Variants in TBC1D9 observed in about 807,000 individuals in gnomAD.
TBC1D9 encodes TBC1 domain family member 9.
In TBC1D9, 63 loss-of-function variants were observed where a neutral mutation model predicts 132.0. The ratio of observed to expected loss-of-function variants is 0.48; its 90% confidence interval spans 0.39 to 0.59. The LOEUF is 0.59. Among genes scored for constraint, TBC1D9 ranks in the 20% least tolerant of loss-of-function variants. The pLI, the probability that TBC1D9 is intolerant of heterozygous loss-of-function variation, is 0.00. For missense variants in TBC1D9, 1,261 were observed against 1,592.7 expected (o/e 0.79, Z 3.54); for synonymous variants, 610 against 609.9 (o/e 1.00, Z 0.00).
chr4:140,626,464 T>C (rs1218211648), intron 18 of TBC1D9, among the ~76,000 whole-genome samples: 1 of 152,166 alleles, frequency 6.6e-6, no homozygotes, highest in African/African-American at 2.4e-5. Context: ...GTGCTTACAG[T>C]CTAAAAGTAA....
chr4:140,741,696 C>T lies in TBC1D9; in HGVS notation c.130+14220G>A, dbSNP rs935966244. On this transcript the variant is annotated intron_variant, in intron 1 of 20. Coordinates refer to ENST00000442267, the MANE Select transcript of TBC1D9 (RefSeq NM_015130.3). ...TCATGCCAATGCACTCTAGCCTAGGCGGCAGAGCCAGACCCTGTCCAGATA... is the reference window on the plus strand; with the variant it reads ...TCATGCCAATGCACTCTAGCCTAGGTGGCAGAGCCAGACCCTGTCCAGATA... Among the ~76,000 whole-genome samples the T allele has an allele frequency of 1.2e-4, 19 of 152,246 alleles. 1 individual carries two copies. Among genetic ancestry groups the T allele is most frequent in the African/African-American group, 2.6e-4 (11 of 41,548 alleles).
At chr4:140,677,572 C>G (rs1737645319) in intron 5 of TBC1D9, among the ~76,000 whole-genome samples, 1 of 152,156 alleles carries the variant, frequency 6.6e-6, no homozygotes. Context: ...AACAACTCAC[C>G]TTGGGCAACT....
intron 1 of TBC1D9, among the ~76,000 whole-genome samples, chr4:140,728,517 A>T (rs942858465): frequency 6.6e-6 from 1 of 151,856 alleles, no homozygotes; most frequent in Non-Finnish European, 1.5e-5. Context: ...TTTTTTTGAG[A>T]CAGTCTTACT....
At chr4:140,743,191 A>G (rs893126487) in intron 1 of TBC1D9, among the ~76,000 whole-genome samples, 2 of 152,234 alleles carry the variant, frequency 1.3e-5, no homozygotes, top group Non-Finnish European at 2.9e-5. Flanking sequence ...CTTTAACAGC[A>G]TCCTTCAGAA....
intron 1 of TBC1D9, among the ~76,000 whole-genome samples, chr4:140,710,213 G>A (rs1472964094): frequency 6.6e-6 from 1 of 152,076 alleles, no homozygotes; most frequent in South Asian, 2.1e-4. Context: ...AGGCATGAGG[G>A]TTTTGTTGTA....
intron 6 of TBC1D9, among the ~76,000 whole-genome samples, chr4:140,671,970 A>G (rs1737545453): frequency 6.6e-6 from 1 of 152,124 alleles, no homozygotes; most frequent in Admixed American, 6.5e-5. Flanking sequence ...GTTAAACTTT[A>G]AGTTGTTCAT....
chr4:140,680,097 T>C (rs1220695325), intron 3 of TBC1D9, among the ~76,000 whole-genome samples: 3 of 152,238 alleles, frequency 2.0e-5, no homozygotes, highest in Non-Finnish European at 2.9e-5. Flanking sequence ...ATGAAGCCTA[T>C]AGTTTTACTT....
At chr4:140,697,196 G>A (rs1460813518) in intron 2 of TBC1D9, among the ~76,000 whole-genome samples, 1 of 152,000 alleles carries the variant, frequency 6.6e-6, no homozygotes, top group African/African-American at 2.4e-5. Flanking sequence ...GGGCAACATG[G>A]CAAAACCCTG....
intron 1 of TBC1D9, among the ~76,000 whole-genome samples, chr4:140,726,441 T>G (rs918163931): frequency 1.3e-5 from 2 of 152,166 alleles, no homozygotes; most frequent in Non-Finnish European, 2.9e-5. Flanking sequence ...ACTTTTCTCC[T>G]CTTACATCTT....
chr4:140,655,563 A>G (rs1578827063), intron 13 of TBC1D9, among the ~76,000 whole-genome samples: 1 of 152,308 alleles, frequency 6.6e-6, no homozygotes, highest in South Asian at 2.1e-4. Context: ...TTTCTATAAA[A>G]GTTTAGAGAA....
intron 13 of TBC1D9, among the ~76,000 whole-genome samples, 194 bp downstream of exon 13, chr4:140,656,903 C>T (rs1308191861): frequency 6.6e-6 from 1 of 152,188 alleles, no homozygotes; most frequent in Non-Finnish European, 1.5e-5. Context: ...ATGCAAGGTG[C>T]CATCTTGGAA....
chr4:140,645,840 C>G (rs1010966923), intron 13 of TBC1D9, among the ~76,000 whole-genome samples: 2 of 152,238 alleles, frequency 1.3e-5, no homozygotes, highest in African/African-American at 4.8e-5. Flanking sequence ...CTGGCTGCCC[C>G]CTCTGTGCTT....
At chr4:140,745,726 G>A (rs1020781879) in intron 1 of TBC1D9, among the ~76,000 whole-genome samples, 2 of 152,038 alleles carry the variant, frequency 1.3e-5, no homozygotes, top group Non-Finnish European at 2.9e-5. Context: ...AGTTTTGGGG[G>A]AGTCAAAAAT....
intron 3 of TBC1D9, 91 bp from the exon 4 acceptor site, chr4:140,679,934 T>TA: frequency 8.9e-7 from 1 of 1,127,588 alleles, no homozygotes; most frequent in Admixed American, 3.2e-5. Context: ...AAGGCTAGAA[T>TA]TAAAAAAAAA....
chr4:140,639,305 G>T, intron 14 of TBC1D9, 25 bp downstream of exon 14: 2 of 1,568,710 alleles, frequency 1.3e-6, no homozygotes. Context: ...GACAGAGGTT[G>T]CCTGCTACTT....
At chr4:140,677,169 G>C in intron 5 of TBC1D9, 68 bp from the exon 6 acceptor site, 1 of 1,572,632 alleles carries the variant, frequency 6.4e-7, no homozygotes, top group Non-Finnish European at 8.6e-7. Context: ...TGCAGCAGCG[G>C]AAGTTCCCCC....
intron 18 of TBC1D9, among the ~76,000 whole-genome samples, chr4:140,627,085 C>T (rs1199483417): frequency 6.6e-6 from 1 of 152,202 alleles, no homozygotes; most frequent in East Asian, 1.9e-4. Context: ...AGAGCAAACA[C>T]AGATATAAGA....
chr4:140,687,395 T>TAA (rs1737806327), intron 2 of TBC1D9, among the ~76,000 whole-genome samples: 14 of 100,784 alleles, frequency 1.4e-4, no homozygotes, highest in South Asian at 6.6e-4. Flanking sequence ...TATATATATA[T>TAA]AAACATATAG....
intron 1 of TBC1D9, among the ~76,000 whole-genome samples, chr4:140,718,460 T>C (rs1331683092): frequency 6.6e-6 from 1 of 152,122 alleles, no homozygotes; most frequent in Non-Finnish European, 1.5e-5. Context: ...TAATCCTCCA[T>C]GTAATAATTA....
Sources: gnomAD v4.1 joint callset for allele counts (sites outside exome capture counted in the v4.1 genomes callset) on GRCh38, gnomAD v4.1.1 for gene constraint, MANE v1.5 for transcripts, NCBI Gene and HGNC (gene_info 2026-07-23, HGNC 2026-07-21) for gene names.